The following PLEKHG1 variants were observed in gnomAD, a reference collection of about 807,000 sequenced individuals.
PLEKHG1 encodes pleckstrin homology domain-containing family G member 1.
Under a neutral mutation model 100.8 loss-of-function variants are expected in PLEKHG1, and 44 were observed. The observed-to-expected ratio is 0.44, with a 90% CI of 0.34 to 0.56. The LOEUF (loss-of-function observed/expected upper bound fraction) is 0.56. Among genes scored for constraint, PLEKHG1 ranks in the 20% least tolerant of loss-of-function variants. PLEKHG1 has a pLI of 0.01. For missense variants in PLEKHG1, 1,545 were observed against 1,720.9 expected, an observed-to-expected ratio of 0.90 and a Z score of 1.81; for synonymous variants, 640 against 662.5, an observed-to-expected ratio of 0.97 and a Z score of 0.52.
At chr6:150,744,157 C>A (rs1783026861) in intron 2 of PLEKHG1, among the ~76,000 whole-genome samples, 1 of 152,204 alleles carries the variant, frequency 6.6e-6, no homozygotes, top group African/African-American at 2.4e-5. Flanking sequence ...TCACTGCAAG[C>A]CCCGCCTCCC....
chr6:150,733,696 T>TA lies in PLEKHG1; in HGVS notation c.16dup (p.Ser6LysfsTer2). ...AACTGAAGACAATGGAGCTCTCTGATAGTGACCGACCCGTCAGCTTCGGTT... is the reference window on the plus strand; with the variant it reads ...AACTGAAGACAATGGAGCTCTCTGATAAGTGACCGACCCGTCAGCTTCGGTT... On this transcript the variant is annotated frameshift_variant, in exon 2 of 16. Transcript: ENST00000358517. LOFTEE classifies it high-confidence loss of function. 1.2e-6 allele frequency: 2 copies of TA among 1,614,156 alleles called. No homozygotes were observed. Among genetic ancestry groups the TA allele is most frequent in the African/African-American group, 2.7e-5 (2 of 75,038 alleles).
intron 3 of PLEKHG1, among the ~76,000 whole-genome samples, chr6:150,692,741 A>G (rs1780389386): frequency 6.6e-6 from 1 of 152,232 alleles, no homozygotes. Flanking sequence ...ATTTAGGCCA[A>G]GAGAAAGTAA....
intron 2 of PLEKHG1, among the ~76,000 whole-genome samples, chr6:150,765,322 G>A (rs534463313): frequency 1.6e-3 from 238 of 150,372 alleles, no homozygotes; most frequent in South Asian, 2.7e-3. Flanking sequence ...GTGAAACCCC[G>A]TCTCTGCTAA....
intron 1 of PLEKHG1, among the ~76,000 whole-genome samples, chr6:150,613,022 TCC>T (rs2128554037): frequency 6.6e-6 from 1 of 152,276 alleles, no homozygotes; most frequent in Non-Finnish European, 1.5e-5. Flanking sequence ...TGTGAGACCC[TCC>T]CTAGTCTGGC....
chr6:150,623,633 C>T (rs1219353644), intron 1 of PLEKHG1, among the ~76,000 whole-genome samples: 1 of 152,218 alleles, frequency 6.6e-6, no homozygotes, highest in Non-Finnish European at 1.5e-5. Flanking sequence ...GAGTTGGCCT[C>T]AGGCCCCCCA....
chr6:150,828,405 G>A, intron 14 of PLEKHG1: 1 of 1,569,706 alleles, frequency 6.4e-7, no homozygotes, highest in Non-Finnish European at 8.7e-7. Context: ...GCTATCCCAT[G>A]CCGAACTTTC....
At chr6:150,697,756 G>A (rs1780604691) in intron 3 of PLEKHG1, among the ~76,000 whole-genome samples, 1 of 152,158 alleles carries the variant, frequency 6.6e-6, no homozygotes, top group African/African-American at 2.4e-5. Context: ...TGTGCAAAGG[G>A]AAGATGCTGT....
chr6:150,618,294 A>G (rs921522168), intron 1 of PLEKHG1, among the ~76,000 whole-genome samples: 1 of 152,308 alleles, frequency 6.6e-6, no homozygotes. Context: ...TGCTGAATTG[A>G]ATGATTGTTT....
chr6:150,752,608 G>A (rs938807511), intron 2 of PLEKHG1, among the ~76,000 whole-genome samples: 2 of 152,160 alleles, frequency 1.3e-5, no homozygotes, highest in African/African-American at 4.8e-5. Flanking sequence ...GTTGCAACCT[G>A]CATCAGGATT....
intron 2 of PLEKHG1, among the ~76,000 whole-genome samples, chr6:150,638,768 C>G (rs955817698): frequency 6.6e-6 from 1 of 152,152 alleles, no homozygotes; most frequent in Non-Finnish European, 1.5e-5. Context: ...AAAATCAGTT[C>G]TAAGTCAAAA....
chr6:150,618,994 G>C (rs758363612), intron 1 of PLEKHG1, among the ~76,000 whole-genome samples: 5 of 152,168 alleles, frequency 3.3e-5, no homozygotes, highest in Admixed American at 6.5e-5. Context: ...GAGACTGGAG[G>C]ATTGCTTGAT....
upstream of PLEKHG1, among the ~76,000 whole-genome samples, chr6:150,716,598 C>T (rs1781456762): frequency 6.6e-6 from 1 of 152,148 alleles, no homozygotes; most frequent in Admixed American, 6.5e-5. Context: ...TCAGGCCTTG[C>T]TGAGTCCCTA....
intron 3 of PLEKHG1, among the ~76,000 whole-genome samples, chr6:150,674,684 C>CTCTCTCA (rs1562427910): frequency 2.7e-5 from 2 of 73,360 alleles, no homozygotes. Context: ...TCTCTCTCTC[C>CTCTCTCA]CCCCTCTTCT....
chr6:150,751,791 G>C (rs561624982), intron 2 of PLEKHG1, among the ~76,000 whole-genome samples: 1 of 152,260 alleles, frequency 6.6e-6, no homozygotes, highest in Non-Finnish European at 1.5e-5. Context: ...TGATCCTCTT[G>C]GTAGTTTTTA....
At chr6:150,741,015 A>G (rs530940982) in intron 2 of PLEKHG1, among the ~76,000 whole-genome samples, 43 of 152,248 alleles carry the variant, frequency 2.8e-4, no homozygotes, top group African/African-American at 5.5e-4. Context: ...CACCACCTCA[A>G]CAACAGCAGC....
Position 150,840,518 on chromosome 6 carries a change from A to T in PLEKHG1, c.3780A>T (p.Gln1260His), listed in dbSNP as rs768474388. Residue 1260 changes from glutamine (Q) to histidine (H), a missense_variant, in exon 16 of 16, where the codon CAA becomes CAT. Transcript: ENST00000358517. Reference sequence around the variant, plus strand: ...ATAGAAATTTACCCTTAAATGCCCAAATTGCAACACAGAATTATTTTTCCA... The same window carrying T: ...ATAGAAATTTACCCTTAAATGCCCATATTGCAACACAGAATTATTTTTCCA... 10 of 1,614,180 alleles carry T rather than the reference A, an allele frequency of 6.2e-6. No individual in the cohort carries two copies. In the East Asian group the frequency reaches 2.2e-4, roughly 36 times the overall value.
chr6:150,816,255 G>T (rs1775943933), intron 10 of PLEKHG1, among the ~76,000 whole-genome samples: 1 of 145,578 alleles, frequency 6.9e-6, no homozygotes, highest in South Asian at 2.2e-4. Flanking sequence ...TTGTGCTTTT[G>T]TGGCAATCTC....
chr6:150,838,494 T>C (rs803401), intron 15 of PLEKHG1, among the ~76,000 whole-genome samples: 102,831 of 152,090 alleles, frequency 0.68, 34,998 homozygotes, highest in Admixed American at 0.71. Flanking sequence ...TCCAATGTCT[T>C]CTGGGGAAGC....
intron 1 of PLEKHG1, among the ~76,000 whole-genome samples, chr6:150,612,054 C>G (rs1004529049): frequency 1.1e-4 from 12 of 105,974 alleles, no homozygotes; most frequent in South Asian, 4.4e-4. Flanking sequence ...TTCCCCCCCC[C>G]CCCCCCTTTT....
Sources: gnomAD v4.1 joint callset for allele counts (sites outside exome capture counted in the v4.1 genomes callset) on GRCh38, gnomAD v4.1.1 for gene constraint, MANE v1.5 for transcripts, NCBI Gene and HGNC (gene_info 2026-07-23, HGNC 2026-07-21) for gene names.